SACS: variants seen among roughly 807,000 people sequenced by gnomAD.
The protein encoded by SACS is sacsin.
A neutral mutation model predicts 348.0 loss-of-function variants in SACS; 197 were observed. The ratio of observed to expected loss-of-function variants is 0.57; its 90% confidence interval spans 0.50 to 0.64. SACS has a LOEUF of 0.64. Among genes scored for constraint, SACS ranks in the 30% least tolerant of loss-of-function variants. The pLI is 0.00. For synonymous variants in SACS, 1,985 were observed against 1,910.6 expected (o/e 1.04, Z -1.02); for missense variants, 4,999 against 5,360.8 (o/e 0.93, Z 2.11).
At chr13:23,341,830 A>G (rs1593134692) in intron 9 of SACS, 140 bp from the exon 10 acceptor site, 5 of 713,930 alleles carry the variant, frequency 7.0e-6, no homozygotes, top group South Asian at 3.8e-5. Flanking sequence ...TCTGTCGCCC[A>G]GGCTGGAGTG....
chr13:23,331,407 C>T lies in SACS; in HGVS notation c.12469G>A (p.Gly4157Ser), dbSNP rs1349539099. The T allele has an allele frequency of 6.2e-7, 1 of 1,614,012 alleles. No individual in the cohort carries two copies. The highest frequency in any genetic ancestry group is 8.5e-7 in the Non-Finnish European group (1 of 1,179,942). Reference protein sequence around the residue: ...EPSKLELPMPGTPIPAEIHYT... With the variant: ...EPSKLELPMPSTPIPAEIHYT... ...TGAATTTCAGCAGGAATTGGTGTGC[C>T]AGGCATTGGAAGTTCCAGTTTTGAT... Residue 4157 changes from glycine to serine, a missense_variant, in exon 10 of 10, where the codon GGC (glycine) becomes AGC (serine). This residue lies in a region of SACS where 831 missense variants were observed against 941.8 expected (regional missense o/e 0.88). Transcript: ENST00000382292.
rs534602288 is a variant in SACS at position 23,431,670 on chromosome 13, AGTT to A, written c.-502+1942_-502+1944del. 1.1e-4 allele frequency among the ~76,000 whole-genome samples: 16 copies of A among 152,356 alleles called. No individual in the cohort carries two copies. The East Asian group carries it at 3.1e-3, about 29-fold the overall frequency. ...CTGCTGTCTTAAAGGATTTAGGAAG[AGTT>A]GTACAAAGAGAATCGGCCTTCCTTC... On this transcript the variant is annotated intron_variant, in intron 1 of 9. Transcript: ENST00000382292.
At chr13:23,411,138 G>T in intron 2 of SACS, 82 bp downstream of exon 2, 1 of 1,177,818 alleles carries the variant, frequency 8.5e-7, no homozygotes, top group Non-Finnish European at 1.3e-6. Flanking sequence ...ATTTGTTTTT[G>T]CCTATGTTTC....
intron 1 of SACS, among the ~76,000 whole-genome samples, chr13:23,421,332 A>G (rs2137995546): frequency 6.6e-6 from 1 of 151,902 alleles, no homozygotes; most frequent in South Asian, 2.1e-4. Context: ...CTTGATATTC[A>G]CCAGGGGTTT....
intron 2 of SACS, among the ~76,000 whole-genome samples, chr13:23,406,327 G>A (rs1229002664): frequency 4.6e-5 from 7 of 151,466 alleles, no homozygotes; most frequent in African/African-American, 1.7e-4. Context: ...GGAGTTGAAC[G>A]ATGAAAACAC....
intron 1 of SACS, among the ~76,000 whole-genome samples, chr13:23,429,096 A>T (rs921837059): frequency 6.6e-6 from 1 of 152,178 alleles, no homozygotes; most frequent in African/African-American, 2.4e-5. Flanking sequence ...AGTGAATTGT[A>T]TGGTATGTGA....
Position 23,338,943 on chromosome 13 carries a change from G to A in SACS, c.4933C>T (p.Arg1645Ter), listed in dbSNP as rs770901638. Residue 1645 changes from arginine (R) to a stop codon, truncating the protein, a stop_gained, in exon 10 of 10, where the codon CGA becomes TGA. Transcript: ENST00000382292. LOFTEE classifies it high-confidence loss of function. ...APYSYNGTLF[R>*]LSFRTQQEAK... ...TCCTGTTGAGTTCTAAAGGACAGTC[G>A]GAAAAGGGTTCCATTATAGCTGTAA... 9 of 1,613,688 alleles carry A rather than the reference G, an allele frequency of 5.6e-6. No individual in the cohort carries two copies. The highest frequency in any genetic ancestry group is 6.8e-6 in the Non-Finnish European group (8 of 1,179,882).
chr13:23,366,352 G>A (rs1324704188), intron 5 of SACS, among the ~76,000 whole-genome samples: 1 of 152,182 alleles, frequency 6.6e-6, no homozygotes, highest in Non-Finnish European at 1.5e-5. Flanking sequence ...GTACCCACCA[G>A]CTGTTCCACC....
chr13:23,386,577 G>A (rs1475773799), intron 2 of SACS, among the ~76,000 whole-genome samples: 1 of 152,124 alleles, frequency 6.6e-6, no homozygotes, highest in Admixed American at 6.5e-5. Flanking sequence ...CAGTAATAAG[G>A]CTGTTTTGCT....
chr13:23,377,929 A>G (rs1271368036), intron 2 of SACS, among the ~76,000 whole-genome samples: 1 of 152,192 alleles, frequency 6.6e-6, no homozygotes, highest in Non-Finnish European at 1.5e-5. Context: ...AATTTATTGG[A>G]CAGGCCAGAT....
At chr13:23,420,967 C>G (rs1873915584) in intron 1 of SACS, among the ~76,000 whole-genome samples, 1 of 152,200 alleles carries the variant, frequency 6.6e-6, no homozygotes. Flanking sequence ...TTGGTGTCCA[C>G]CAGGAGCCTA....
intron 9 of SACS, among the ~76,000 whole-genome samples, chr13:23,342,248 T>A (rs1345406845): frequency 6.6e-6 from 1 of 152,190 alleles, no homozygotes; most frequent in Non-Finnish European, 1.5e-5. Context: ...TTATTTGAAA[T>A]AAATATACAA....
chr13:23,331,361 G>A lies in SACS; in HGVS notation c.12515C>T (p.Pro4172Leu). Reference protein sequence around the residue: ...AEIHYTLLMDPMNVFYPGEYV... With the variant: ...AEIHYTLLMDLMNVFYPGEYV... The stretch of plus-strand genomic sequence containing the variant: ...TTCTCCCGGGTAAAAAACATTCATT[G>A]GGTCCATAAGCAGAGTGTAATGAAT... Residue 4172 changes from proline (P) to leucine (L), a missense_variant, in exon 10 of 10, where the codon CCA (proline) becomes CTA (leucine). Physicochemically the swap from Pro to Leu is moderately conservative, Grantham distance 98. Coordinates refer to ENST00000382292, the MANE Select transcript of SACS (RefSeq NM_014363.6). 6.2e-7 allele frequency: 1 copy of A among 1,614,026 alleles called. No individual in the cohort carries two copies. Among genetic ancestry groups the A allele is most frequent in the East Asian group, 2.2e-5 (1 of 44,880 alleles).
rs893579789 is a variant in SACS, at chr13:23,367,814, G to A, written c.345+588C>T. Among the ~76,000 whole-genome samples, 7 of 152,170 alleles carry A rather than the reference G, an allele frequency of 4.6e-5. No homozygotes were observed. The East Asian group carries it at 5.8e-4, about 13-fold the overall frequency. On this transcript the variant is annotated intron_variant, in intron 5 of 9. Transcript: ENST00000382292. ...TCGCCAAGTTGGCCAGGCTGGTCTCGAACTCCTGACTTGAGGTGATCCACC... is the reference window on the plus strand; with the variant it reads ...TCGCCAAGTTGGCCAGGCTGGTCTCAAACTCCTGACTTGAGGTGATCCACC...
intron 2 of SACS, among the ~76,000 whole-genome samples, chr13:23,398,197 A>G (rs1872785393): frequency 6.6e-6 from 1 of 151,562 alleles, no homozygotes; most frequent in South Asian, 2.1e-4. Flanking sequence ...ATCTCAAAAA[A>G]TAAAATAAAA....
chr13:23,377,220 A>AT (rs1382425559), intron 2 of SACS, among the ~76,000 whole-genome samples: 1 of 152,176 alleles, frequency 6.6e-6, no homozygotes, highest in Admixed American at 6.5e-5. Flanking sequence ...AATGTGCACA[A>AT]TTTTTTGAAC....
In SACS at chr13:23,365,269, A is replaced by G; in HGVS notation, c.354T>C (p.Ile118=). Residue 118 remains isoleucine, a synonymous_variant, in exon 6 of 10, where the codon ATT becomes ATC. Transcript: ENST00000382292. ...TCGCCCCAGCATCTTCTGCATTCTG[A>G]ATTAATTCCTAACCAAAAAATATAC... ...PEGGQILKEL[I]QNAEDAGATE... The G allele has an allele frequency of 6.3e-7, 1 of 1,597,886 alleles. No individual in the cohort carries two copies. Among genetic ancestry groups the G allele is most frequent in the Non-Finnish European group, 8.5e-7 (1 of 1,169,836 alleles).
At chr13:23,383,388 A>C (rs536709614) in intron 2 of SACS, among the ~76,000 whole-genome samples, 1 of 152,172 alleles carries the variant, frequency 6.6e-6, no homozygotes, top group African/African-American at 2.4e-5. Flanking sequence ...TCATATTACC[A>C]TCAAGTTATT....
At chr13:23,378,482 T>A (rs962432396) in intron 2 of SACS, among the ~76,000 whole-genome samples, 1 of 152,148 alleles carries the variant, frequency 6.6e-6, no homozygotes, top group Non-Finnish European at 1.5e-5. Flanking sequence ...GCAAATTTTT[T>A]TTTTCTTTTT....
Sources: allele counts gnomAD v4.1 joint callset (sites outside exome capture counted in the v4.1 genomes callset), GRCh38; gene constraint gnomAD v4.1.1; regional missense constraint gnomAD v4.1.1; transcripts MANE v1.5; gene names NCBI Gene and HGNC (gene_info 2026-07-23, HGNC 2026-07-21).